ROBO2: variants seen among roughly 807,000 people sequenced by gnomAD.
ROBO2 encodes roundabout guidance receptor 2.
A neutral mutation model predicts 160.8 loss-of-function variants in ROBO2; 53 were observed. The observed-to-expected ratio is 0.33, with a 90% CI of 0.26 to 0.41. The LOEUF (loss-of-function observed/expected upper bound fraction) is 0.41. ROBO2 is among the 10% of genes least tolerant of loss of function. The pLI is 1.00. For synonymous variants in ROBO2, 664 were observed against 611.7 expected (o/e 1.09, Z -1.26); for missense variants, 1,577 against 1,722.4 (o/e 0.92, Z 1.49).
chr3:77,058,953 G>A (rs544141801), intron 1 of ROBO2, among the ~76,000 whole-genome samples: 1 of 152,290 alleles, frequency 6.6e-6, no homozygotes, highest in Non-Finnish European at 1.5e-5. Flanking sequence ...TATTTACTGA[G>A]CATCTGCAAT....
rs150390078 is a variant in ROBO2 at position 76,986,466 on chromosome 3, A to G, written c.110-111548A>G. On this transcript the variant is annotated intron_variant, in intron 2 of 26. Coordinates refer to the ROBO2 transcript ENST00000487694. ...ACAGGTAACCGTGTCTTAATTTCCTATTACTCATTGCCAGAATGCCCAAGA... is the reference window on the plus strand; with the variant it reads ...ACAGGTAACCGTGTCTTAATTTCCTGTTACTCATTGCCAGAATGCCCAAGA... Among the ~76,000 whole-genome samples the G allele has an allele frequency of 7.0e-4, 106 of 152,166 alleles. No individual in the cohort carries two copies. The East Asian group carries it at 0.019, about 28-fold the overall frequency.
intron 2 of ROBO2, among the ~76,000 whole-genome samples, chr3:76,658,527 C>T (rs1274854880): frequency 2.6e-5 from 4 of 152,100 alleles, no homozygotes; most frequent in Non-Finnish European, 5.9e-5. Flanking sequence ...TGATGTTCCC[C>T]TCCCTGTGTC....
intron 2 of ROBO2, among the ~76,000 whole-genome samples, chr3:77,130,402 T>A: frequency 6.6e-6 from 1 of 151,686 alleles, no homozygotes; most frequent in East Asian, 2.0e-4. Flanking sequence ...ATTTCCATAA[T>A]CTAAAATAAA....
At chr3:77,383,992 A>G (rs2073837043) in intron 2 of ROBO2, among the ~76,000 whole-genome samples, 1 of 152,188 alleles carries the variant, frequency 6.6e-6, no homozygotes, top group Non-Finnish European at 1.5e-5. Context: ...TTGGAGAAGT[A>G]CTTTAGAAAG....
At chr3:76,627,475 C>T (rs547408869) in intron 2 of ROBO2, among the ~76,000 whole-genome samples, 13 of 152,218 alleles carry the variant, frequency 8.5e-5, no homozygotes, top group Non-Finnish European at 1.5e-4. Context: ...CTGGCTTTAG[C>T]ATGCAGATGA....
chr3:77,490,118 T>G (rs1344664823), intron 4 of ROBO2, among the ~76,000 whole-genome samples: 205 of 149,218 alleles, frequency 1.4e-3, no homozygotes, highest in Non-Finnish European at 2.4e-3. Flanking sequence ...TTTTTTTTTT[T>G]GGGACGGAGT....
intron 2 of ROBO2, among the ~76,000 whole-genome samples, chr3:76,446,844 A>G (rs1018605028): frequency 5.3e-5 from 8 of 152,300 alleles, no homozygotes; most frequent in South Asian, 2.1e-4. Context: ...CCATATGTAG[A>G]AAGTTGAAAC....
intron 2 of ROBO2, among the ~76,000 whole-genome samples, chr3:76,676,691 G>T (rs2092418499): frequency 6.6e-6 from 1 of 151,998 alleles, no homozygotes; most frequent in South Asian, 2.1e-4. Context: ...CAAGTGTTCT[G>T]CTAGGCATGT....
At chr3:76,116,179 T>A (rs1187495449) in intron 2 of ROBO2, among the ~76,000 whole-genome samples, 1 of 152,144 alleles carries the variant, frequency 6.6e-6, no homozygotes, top group African/African-American at 2.4e-5. Context: ...TATGTGCTTA[T>A]ATTCCCTTAG....
At chr3:77,294,422 G>A (rs1312980663) in intron 2 of ROBO2, among the ~76,000 whole-genome samples, 5 of 139,538 alleles carry the variant, frequency 3.6e-5, no homozygotes, top group Non-Finnish European at 7.6e-5. Context: ...TGGTAAAACG[G>A]GAAGTTGAGC....
intron 3 of ROBO2, among the ~76,000 whole-genome samples, chr3:77,479,926 T>C (rs1478997930): frequency 1.3e-5 from 2 of 152,108 alleles, no homozygotes; most frequent in Non-Finnish European, 2.9e-5. Flanking sequence ...CAAGACACAA[T>C]GTACAAGAAC....
chr3:76,882,146 T>TG (rs567327542), intron 2 of ROBO2, among the ~76,000 whole-genome samples: 11 of 150,860 alleles, frequency 7.3e-5, no homozygotes, highest in Non-Finnish European at 1.5e-4. Context: ...GTAGGTTGGT[T>TG]GGGGGGGTGT....
At chr3:77,289,177 G>A (rs1245097510) in intron 2 of ROBO2, among the ~76,000 whole-genome samples, 3 of 152,262 alleles carry the variant, frequency 2.0e-5, no homozygotes, top group African/African-American at 7.2e-5. Flanking sequence ...AATTAGCACT[G>A]ATGTGAGGGG....
chr3:77,374,723 A>C (rs1416786421), intron 2 of ROBO2, among the ~76,000 whole-genome samples: 1 of 152,204 alleles, frequency 6.6e-6, no homozygotes, highest in Admixed American at 6.5e-5. Flanking sequence ...GTTTACTAAG[A>C]GAGTAGCTGA....
intron 2 of ROBO2, among the ~76,000 whole-genome samples, chr3:77,363,669 G>C (rs939837389): frequency 6.6e-6 from 1 of 152,194 alleles, no homozygotes; most frequent in Non-Finnish European, 1.5e-5. Flanking sequence ...GAGCCAGGCT[G>C]TCCAGACACT....
At chr3:77,120,252 G>T (rs1188331669) in intron 2 of ROBO2, among the ~76,000 whole-genome samples, 1 of 152,184 alleles carries the variant, frequency 6.6e-6, no homozygotes, top group Non-Finnish European at 1.5e-5. Context: ...GTAGTTTGGA[G>T]AGATATGGCA....
chr3:75,906,843 G>A (rs1017292961), exon 1 of ROBO2: 2 of 152,350 alleles, frequency 1.3e-5, no homozygotes, highest in Non-Finnish European at 2.9e-5. Context: ...GGGAGCAGCA[G>A]GTCCGGGGGG....
rs111252653 is a variant in ROBO2, at chr3:76,882,114, C to G, written c.110-215900C>G. Among the ~76,000 whole-genome samples, 833 of 107,662 alleles carry G rather than the reference C, an allele frequency of 7.7e-3. 11 individuals carry two copies. Among genetic ancestry groups the G allele is most frequent in the African/African-American group, 0.027 (772 of 28,860 alleles). The allele number at this position is 107,662 out of a possible 152,430, so 70.6% of individuals were successfully genotyped here. ...TGTGTGTGTGTGTGTGTGTGTGTGT[C>G]TGTGTGTGTGTCTTTTGGGTGGTAG... On this transcript the variant is annotated intron_variant, in intron 2 of 26. Coordinates refer to the ROBO2 transcript ENST00000487694.
chr3:77,316,321 T>C (rs1343542831), intron 2 of ROBO2, among the ~76,000 whole-genome samples: 4 of 151,058 alleles, frequency 2.6e-5, no homozygotes, highest in Non-Finnish European at 5.9e-5. Context: ...TGAAGATCTG[T>C]ATAAAAAAGT....
Sources: allele counts gnomAD v4.1 joint callset (sites outside exome capture counted in the v4.1 genomes callset), GRCh38; gene constraint gnomAD v4.1.1; transcripts MANE v1.5; gene names NCBI Gene and HGNC (gene_info 2026-07-23, HGNC 2026-07-21).